The following ZNF438 variants were observed in gnomAD, a reference collection of about 807,000 sequenced individuals.
The protein encoded by ZNF438 is zinc finger protein 438.
A neutral mutation model predicts 38.0 loss-of-function variants in ZNF438; 25 were observed. That is an observed-to-expected ratio of 0.66 (90% CI 0.48 to 0.92). The LOEUF is 0.92. Ranked by LOEUF, ZNF438 falls within the 40% of genes least tolerant of loss-of-function variation. The probability of loss-of-function intolerance (pLI) is 0.00; values close to 1 mark genes in which losing one functional copy is unlikely to be tolerated. For missense variants in ZNF438, 1,007 were observed against 999.6 expected (o/e 1.01, Z -0.10); for synonymous variants, 372 against 364.1 (o/e 1.02, Z -0.25).
At chr10:30,845,760 G>A (rs2031881419) in intron 5 of ZNF438, among the ~76,000 whole-genome samples, 187 bp from the exon 7 acceptor site, 1 of 152,200 alleles carries the variant, frequency 6.6e-6, no homozygotes, top group African/African-American at 2.4e-5. Flanking sequence ...TGTCACTCCT[G>A]CTTGTGGCCA....
intron 1 of ZNF438, among the ~76,000 whole-genome samples, chr10:30,954,071 A>T (rs908585694): frequency 6.6e-6 from 1 of 152,098 alleles, no homozygotes; most frequent in African/African-American, 2.4e-5. Flanking sequence ...TGAACCCGGG[A>T]TGTGGAGGTT....
At chr10:30,934,683 T>A (rs182738523) in intron 2 of ZNF438, among the ~76,000 whole-genome samples, 3 of 152,360 alleles carry the variant, frequency 2.0e-5, no homozygotes, top group African/African-American at 7.2e-5. Context: ...AGAAAAATTG[T>A]TCTGAGAATG....
At chr10:30,982,320 C>T (rs969989149) in intron 1 of ZNF438, among the ~76,000 whole-genome samples, 2 of 151,970 alleles carry the variant, frequency 1.3e-5, no homozygotes, top group Non-Finnish European at 2.9e-5. Flanking sequence ...CCGGGATGGT[C>T]TCGATCTCCT....
At chr10:30,942,418 A>C (rs1028876579) in intron 1 of ZNF438, among the ~76,000 whole-genome samples, 4 of 152,232 alleles carry the variant, frequency 2.6e-5, no homozygotes, top group African/African-American at 9.6e-5. Flanking sequence ...CTATTTTGTT[A>C]CTACGGTAGT....
In ZNF438 at chr10:30,948,964, T is replaced by C. The variant is rs914433176; in HGVS notation, c.-191-7313A>G. Among the ~76,000 whole-genome samples, 50 of 152,030 alleles carry C rather than the reference T, an allele frequency of 3.3e-4. 2 individuals are homozygous for C. Among genetic ancestry groups the C allele is most frequent in the East Asian group, 5.8e-4 (3 of 5,200 alleles). On this transcript the variant is annotated intron_variant, in intron 1 of 5. Transcript: ENST00000413025. ...ACATAATTGTCAGATTCACCAGAGT[T>C]GAAATGAAGGAAAAAATGTTAACGG...
chr10:31,026,592 C>T (rs1272743266), intron 1 of ZNF438, among the ~76,000 whole-genome samples: 1 of 152,174 alleles, frequency 6.6e-6, no homozygotes. Flanking sequence ...CAGGAAACAA[C>T]AGGTGCTGGA....
chr10:30,972,876 T>C (rs974610222), intron 1 of ZNF438, among the ~76,000 whole-genome samples: 2 of 152,210 alleles, frequency 1.3e-5, no homozygotes, highest in Non-Finnish European at 2.9e-5. Flanking sequence ...GGGAACAATG[T>C]TTGATCAAAA....
intron 2 of ZNF438, among the ~76,000 whole-genome samples, chr10:30,937,329 C>T (rs1229995534): frequency 6.6e-6 from 1 of 152,218 alleles, no homozygotes; most frequent in Non-Finnish European, 1.5e-5. Context: ...AAATGCATAA[C>T]ATGATTTAGA....
intron 3 of ZNF438, among the ~76,000 whole-genome samples, chr10:30,896,308 A>C (rs960900475): frequency 2.6e-5 from 4 of 151,662 alleles, no homozygotes; most frequent in African/African-American, 4.8e-5. Flanking sequence ...AAAAAAAAAA[A>C]AAAAAAACAA....
upstream of ZNF438, among the ~76,000 whole-genome samples, chr10:31,032,268 C>T (rs2057339310): frequency 6.6e-6 from 1 of 152,212 alleles, no homozygotes. Context: ...GCCTTCCTCA[C>T]GTGTTCGTTA....
At chr10:30,866,675 A>T (rs1331174508) in intron 4 of ZNF438, among the ~76,000 whole-genome samples, 1 of 152,108 alleles carries the variant, frequency 6.6e-6, no homozygotes, top group Non-Finnish European at 1.5e-5. Context: ...TCTACTAAAA[A>T]TACAAAAAAT....
rs1420721194 is a variant in ZNF438 at position 31,031,883 on chromosome 10, A to C, written c.-242T>G. ...AGCGGGGTGACGTCACGGGCCCAGC[A>C]GTCGGGGAGGTCAAGCCACGGGGCG... On this transcript the variant is annotated 5_prime_UTR_variant, in exon 1 of 6. Coordinates refer to ENST00000413025, the Ensembl canonical transcript of ZNF438. 2.0e-5 allele frequency: 3 copies of C among 152,596 alleles called. No individual in the cohort carries two copies. The highest frequency in any genetic ancestry group is 4.8e-5 in the African/African-American group (2 of 41,426). The allele number at this position is 152,596 out of a possible 1,614,324, so 9.5% of individuals were successfully genotyped here. A position where few individuals can be genotyped will look rare whatever the true frequency, so the allele number is the denominator to read the frequency against.
At chr10:31,026,149 T>C (rs1186613996) in intron 1 of ZNF438, among the ~76,000 whole-genome samples, 16 of 152,152 alleles carry the variant, frequency 1.1e-4, no homozygotes, top group Non-Finnish European at 1.8e-4. Context: ...GAAGAAAACC[T>C]AGGCAATACC....
At chr10:30,849,719 G>T (rs1414252806) in exon 5 of ZNF438, 4 of 1,614,204 alleles carry the variant, frequency 2.5e-6, no homozygotes, top group Non-Finnish European at 3.4e-6. Context: ...GTCCTGCTTG[G>T]CAGGCTCCTC....
intron 4 of ZNF438, among the ~76,000 whole-genome samples, chr10:30,866,486 T>C (rs1307871988): frequency 6.6e-6 from 1 of 152,144 alleles, no homozygotes; most frequent in African/African-American, 2.4e-5. Context: ...TTTTGGAAAA[T>C]TTGAATTCAC....
At chr10:30,966,906 T>C (rs142830065) in intron 1 of ZNF438, among the ~76,000 whole-genome samples, 1 of 152,312 alleles carries the variant, frequency 6.6e-6, no homozygotes, top group Non-Finnish European at 1.5e-5. Context: ...GACAGTTTAC[T>C]TTGCCTACAC....
chr10:30,985,594 C>A (rs1273585558), intron 1 of ZNF438, among the ~76,000 whole-genome samples: 2 of 152,196 alleles, frequency 1.3e-5, no homozygotes, highest in Non-Finnish European at 2.9e-5. Context: ...TTTGGAAGTT[C>A]ATTCTGTAGA....
Position 30,877,067 on chromosome 10 carries a change from T to C in ZNF438, c.-31-2A>G, listed in dbSNP as rs1171783325. Reference sequence around the variant, plus strand: ...TACTGGACTTGAATAGTATCTTTCCTAAAAATAAGCAAGCACAAATAAGTA... The same window carrying C: ...TACTGGACTTGAATAGTATCTTTCCCAAAAATAAGCAAGCACAAATAAGTA... On this transcript the variant is annotated splice_acceptor_variant, in intron 3 of 5. Coordinates refer to ENST00000413025, the Ensembl canonical transcript of ZNF438. LOFTEE classifies it low-confidence loss of function (5UTR_SPLICE). The C allele has an allele frequency of 6.4e-7, 1 of 1,569,104 alleles. No homozygotes were observed. The highest frequency in any genetic ancestry group is 1.2e-5 in the South Asian group (1 of 84,300).
At chr10:30,938,237 T>C (rs1401440128) in intron 2 of ZNF438, among the ~76,000 whole-genome samples, 1 of 152,128 alleles carries the variant, frequency 6.6e-6, no homozygotes, top group African/African-American at 2.4e-5. Flanking sequence ...CAGTTCTCTA[T>C]TCATGCGGTT....
Sources: allele counts gnomAD v4.1 joint callset (sites outside exome capture counted in the v4.1 genomes callset), GRCh38; gene constraint gnomAD v4.1.1; transcripts MANE v1.5; gene names NCBI Gene and HGNC (gene_info 2026-07-23, HGNC 2026-07-21).